Variants in EGFLAM observed in about 807,000 individuals in gnomAD.
EGFLAM encodes the protein EGF like, fibronectin type III and laminin G domains, also known as pikachurin.
Under a neutral mutation model 113.1 loss-of-function variants are expected in EGFLAM, and 79 were observed. That is an observed-to-expected ratio of 0.70 (90% confidence interval 0.58 to 0.84). The LOEUF (loss-of-function observed/expected upper bound fraction) is 0.84, where lower values mean the gene tolerates loss of function less well. Among genes scored for constraint, EGFLAM ranks in the 40% least tolerant of loss-of-function variants. The pLI is 0.00. For missense variants in EGFLAM, 1,265 were observed against 1,291.6 expected, an observed-to-expected ratio of 0.98 and a Z score of 0.32; for synonymous variants, 504 against 487.6, an observed-to-expected ratio of 1.03 and a Z score of -0.44.
chr5:38,278,628 A>G lies in EGFLAM; in HGVS notation c.97+19777A>G, dbSNP rs147930466. Among the ~76,000 whole-genome samples the G allele has an allele frequency of 3.6e-3, 540 of 152,068 alleles. 9 individuals are homozygous for G. The South Asian group carries it at 0.045, about 13-fold the overall frequency. ...CTCAGCCTCCCGAGTAGCTGGGATT[A>G]CAGGTGCATACCACCACACCTGGCT... On this transcript the variant is annotated intron_variant, in intron 1 of 21. Transcript: ENST00000322350.
At chr5:38,355,343 T>C (rs1739738054) in intron 5 of EGFLAM, among the ~76,000 whole-genome samples, 1 of 152,088 alleles carries the variant, frequency 6.6e-6, no homozygotes, top group African/African-American at 2.4e-5. Context: ...CCACATTTTA[T>C]GATGAAGGGG....
At chr5:38,274,421 A>G (rs962900060) in intron 1 of EGFLAM, among the ~76,000 whole-genome samples, 1 of 152,210 alleles carries the variant, frequency 6.6e-6, no homozygotes, top group Non-Finnish European at 1.5e-5. Flanking sequence ...ACTGTCAAAG[A>G]TCAAAGACAA....
intron 1 of EGFLAM, among the ~76,000 whole-genome samples, chr5:38,296,557 A>G (rs1758456501): frequency 6.6e-6 from 1 of 152,168 alleles, no homozygotes; most frequent in Non-Finnish European, 1.5e-5. Context: ...AAACACTGCA[A>G]TAATAACTGA....
At chr5:38,315,196 C>T (rs1738560530) in intron 1 of EGFLAM, among the ~76,000 whole-genome samples, 1 of 152,100 alleles carries the variant, frequency 6.6e-6, no homozygotes, top group Admixed American at 6.5e-5. Context: ...CTTTGCATAT[C>T]TCAAATCTCA....
intron 5 of EGFLAM, among the ~76,000 whole-genome samples, chr5:38,362,681 TCCTTA>T (rs1355974191): frequency 2.0e-5 from 3 of 152,216 alleles, no homozygotes; most frequent in African/African-American, 7.2e-5. Context: ...AGAATTCTTT[TCCTTA>T]CCTTTAGTTT....
intron 6 of EGFLAM, among the ~76,000 whole-genome samples, chr5:38,386,644 C>CT (rs1740669975): frequency 6.6e-6 from 1 of 152,138 alleles, no homozygotes; most frequent in Non-Finnish European, 1.5e-5. Flanking sequence ...GTAGCTGGGA[C>CT]TACAGGCATG....
intron 6 of EGFLAM, among the ~76,000 whole-genome samples, chr5:38,395,239 CT>C (rs1221649921): frequency 0.16 from 18,550 of 114,542 alleles, 1,191 homozygotes; most frequent in African/African-American, 0.18. Flanking sequence ...CATGCCTAGC[CT>C]TTTTTTTTTT....
chr5:38,388,230 G>A (rs752979344), intron 6 of EGFLAM, among the ~76,000 whole-genome samples: 17 of 152,318 alleles, frequency 1.1e-4, no homozygotes, highest in Admixed American at 5.2e-4. Context: ...ATTATATCAA[G>A]ACTAGAGATG....
At position 38,370,407 on chromosome 5, in the gene EGFLAM, G is replaced by T. The variant is rs369346695; in HGVS notation, c.657G>T (p.Met219Ile). The change falls in exon 6 of 22, where the codon ATG becomes ATT. Residue 219 changes from methionine to isoleucine, a missense_variant. Met to Ile is a conservative substitution (Grantham distance 10). Coordinates refer to ENST00000322350, the MANE Select transcript of EGFLAM (RefSeq NM_152403.4). ...DTNYQFAVRA[M>I]NSHGPSPRSW... ...ACTACCAGTTTGCCGTGAGGGCAAT[G>T]AATTCCCATGGCCCCAGCCCCCGCA... 7.8e-5 allele frequency: 126 copies of T among 1,614,098 alleles called. No individual in the cohort carries two copies. The highest frequency in any genetic ancestry group is 1.0e-4 in the Non-Finnish European group (120 of 1,180,040).
intron 1 of EGFLAM, among the ~76,000 whole-genome samples, chr5:38,320,714 G>T (rs1052960798): frequency 6.6e-6 from 1 of 151,932 alleles, no homozygotes; most frequent in African/African-American, 2.4e-5. Context: ...TAAGACAGCG[G>T]TCCCCAACCT....
At chr5:38,365,318 T>C (rs923696500) in intron 5 of EGFLAM, among the ~76,000 whole-genome samples, 2 of 152,186 alleles carry the variant, frequency 1.3e-5, no homozygotes, top group African/African-American at 4.8e-5. Flanking sequence ...TGTATGTGTG[T>C]GTGGTGTTTA....
chr5:38,368,880 T>G (rs1415986073), intron 5 of EGFLAM, among the ~76,000 whole-genome samples: 3 of 150,746 alleles, frequency 2.0e-5, no homozygotes, highest in Non-Finnish European at 3.0e-5. Flanking sequence ...AAAGGTGGAG[T>G]GTTTAATATT....
intron 1 of EGFLAM, among the ~76,000 whole-genome samples, chr5:38,285,294 T>G (rs897961741): frequency 1.3e-5 from 2 of 152,214 alleles, no homozygotes; most frequent in African/African-American, 4.8e-5. Context: ...GAATGACCTT[T>G]ATGGAGTTAT....
intron 19 of EGFLAM, among the ~76,000 whole-genome samples, chr5:38,455,493 C>T (rs1447768990): frequency 1.3e-5 from 2 of 152,198 alleles, no homozygotes; most frequent in Non-Finnish European, 2.9e-5. Context: ...CACTGTCACC[C>T]AGAACAAGAT....
chr5:38,448,060 G>A (rs1011115920), intron 17 of EGFLAM, among the ~76,000 whole-genome samples: 2 of 152,148 alleles, frequency 1.3e-5, no homozygotes, highest in Admixed American at 6.5e-5. Flanking sequence ...TCTCAGCAGC[G>A]CTGAGGCCAG....
chr5:38,275,215 G>A (rs761410888), intron 1 of EGFLAM, among the ~76,000 whole-genome samples: 1 of 152,160 alleles, frequency 6.6e-6, no homozygotes, highest in Non-Finnish European at 1.5e-5. Flanking sequence ...GTGGTAATAA[G>A]TGTGTACCTA....
chr5:38,341,009 T>C (rs541239217), intron 3 of EGFLAM, among the ~76,000 whole-genome samples: 1 of 152,276 alleles, frequency 6.6e-6, no homozygotes, highest in South Asian at 2.1e-4. Flanking sequence ...GATTTCTGCA[T>C]TTCAACAAAA....
intron 1 of EGFLAM, among the ~76,000 whole-genome samples, chr5:38,336,570 TACAC>T (rs148241267): frequency 3.2e-4 from 46 of 142,240 alleles, no homozygotes; most frequent in East Asian, 1.2e-3. Flanking sequence ...TGAGACTCCG[TACAC>T]ACACACACAC....
intron 18 of EGFLAM, 54 bp from the exon 19 acceptor site, chr5:38,451,261 C>T (rs1379158775): frequency 7.6e-6 from 12 of 1,588,108 alleles, no homozygotes; most frequent in Middle Eastern, 1.7e-4. Context: ...TGGAATTACT[C>T]GGAAACAGAT....
Sources: gnomAD v4.1 joint callset for allele counts (sites outside exome capture counted in the v4.1 genomes callset) on GRCh38, gnomAD v4.1.1 for gene constraint, MANE v1.5 for transcripts, NCBI Gene and HGNC (gene_info 2026-07-23, HGNC 2026-07-21) for gene names.